Variants in USP6 observed in about 807,000 individuals in gnomAD.
USP6 encodes ubiquitin specific peptidase 6, also known as ubiquitin carboxyl-terminal hydrolase 6.
USP6 carries 128 observed loss-of-function variants against 175.7 expected under a neutral mutation model. The observed-to-expected ratio is 0.73, with a 90% CI of 0.63 to 0.84. The LOEUF is 0.84. USP6 is among the 40% of genes least tolerant of loss of function. The pLI is 0.00. For missense variants in USP6, 1,498 were observed against 1,760.3 expected (o/e 0.85, Z 2.67); for synonymous variants, 562 against 630.6 (o/e 0.89, Z 1.63).
At position 5,153,719 on chromosome 17, in the gene USP6, G is replaced by C. The variant is rs79843895; in HGVS notation, c.2644-1703G>C. Among the ~76,000 whole-genome samples, 516 of 151,548 alleles carry C rather than the reference G, an allele frequency of 3.4e-3. 10 individuals carry two copies. In the East Asian group the frequency reaches 0.042, roughly 12 times the overall value. On this transcript the variant is annotated intron_variant, in intron 30 of 37. Transcript: ENST00000574788. ...TGCCCAGGCTGGAGTGCAATGGCAC[G>C]ATCTCGGCTCACTGTACTCTCTGCC...
In USP6 at chr17:5,170,537, C is replaced by T. The variant is rs748545602; in HGVS notation, c.3576C>T (p.Ser1192=). The change falls in exon 36 of 38, where the codon AGC becomes AGT. Residue 1192 remains serine, a synonymous_variant. Coordinates refer to ENST00000574788, the MANE Select transcript of USP6 (RefSeq NM_001304284.2). Reference sequence around the variant, plus strand: ...GCTGTCCCTCCAGCAAAAACAGCAGCCCTAATAGCAGCCCACGGACTTTGG... The same window carrying T: ...GCTGTCCCTCCAGCAAAAACAGCAGTCCTAATAGCAGCCCACGGACTTTGG... ...GTSCPSSKNS[S]PNSSPRTLGR... 12 of 1,611,862 alleles carry T rather than the reference C, an allele frequency of 7.4e-6. No homozygotes were observed. Among genetic ancestry groups the T allele is most frequent in the Non-Finnish European group, 4.2e-6 (5 of 1,179,772 alleles).
rs2073166493 is a variant in USP6, at chr17:5,133,942, A to T, written c.440A>T (p.Asp147Val). The change falls in exon 15 of 38, where the codon GAC becomes GTC. Residue 147 changes from aspartate to valine, a missense_variant. Transcript: ENST00000574788. ...GAACACATCCACCACATCGACCTGGACGTGAGGACGACTCTCCGGAACCAT... is the reference window on the plus strand; with the variant it reads ...GAACACATCCACCACATCGACCTGGTCGTGAGGACGACTCTCCGGAACCAT... Reference protein sequence around the residue: ...SSEHIHHIDLDVRTTLRNHVF... With the variant: ...SSEHIHHIDLVVRTTLRNHVF... 3 of 1,614,026 alleles carry T rather than the reference A, an allele frequency of 1.9e-6. No individual in the cohort carries two copies. In the African/African-American group the frequency reaches 4.0e-5, roughly 22 times the overall value.
rs1348097113 is a variant in USP6 at position 5,170,520 on chromosome 17, T to C, written c.3559T>C (p.Ser1187Pro). The change falls in exon 36 of 38, where the codon TCC becomes CCC. Residue 1187 changes from serine to proline, a missense_variant. Physicochemically the swap from Ser to Pro is moderately conservative, Grantham distance 74. Coordinates refer to ENST00000574788, the MANE Select transcript of USP6 (RefSeq NM_001304284.2). ...SSRKSGTSCPSSKNSSPNSSP... is the reference protein window; with the variant it reads ...SSRKSGTSCPPSKNSSPNSSP... ...AAGAAAAAGTGGAACCAGCTGTCCC[T>C]CCAGCAAAAACAGCAGCCCTAATAG... The C allele has an allele frequency of 9.9e-6, 16 of 1,611,312 alleles. No individual in the cohort carries two copies. Among genetic ancestry groups the C allele is most frequent in the Non-Finnish European group, 1.4e-5 (16 of 1,179,508 alleles).
At chr17:5,131,997 C>G (rs938545413) in intron 11 of USP6, among the ~76,000 whole-genome samples, 1 of 152,080 alleles carries the variant, frequency 6.6e-6, no homozygotes, top group Admixed American at 6.5e-5. Context: ...TTGACCCTGG[C>G]GGGGTGATGT....
chr17:5,161,369 T>A (rs1224523695), intron 31 of USP6, among the ~76,000 whole-genome samples, 159 bp from the exon 32 acceptor site: 1 of 152,234 alleles, frequency 6.6e-6, no homozygotes, highest in Non-Finnish European at 1.5e-5. Flanking sequence ...GGTACTGGGC[T>A]GCAGCTAATG....
At chr17:5,169,099 G>A (rs1357018770) in intron 35 of USP6, 44 bp downstream of exon 35, 7 of 1,524,510 alleles carry the variant, frequency 4.6e-6, no homozygotes, top group South Asian at 2.7e-5. Context: ...TGGGACTCCT[G>A]TAGGCTACAT....
intron 7 of USP6, among the ~76,000 whole-genome samples, chr17:5,128,231 A>C (rs992231003): frequency 1.3e-5 from 2 of 152,164 alleles, no homozygotes; most frequent in Non-Finnish European, 2.9e-5. Context: ...CAGGTTTTAG[A>C]TAACATGTCT....
chr17:5,143,354 C>T (rs2073509698), intron 25 of USP6, among the ~76,000 whole-genome samples: 1 of 152,238 alleles, frequency 6.6e-6, no homozygotes, highest in Non-Finnish European at 1.5e-5. Context: ...CGGATGGTTG[C>T]TGTGTCTGCG....
intron 31 of USP6, among the ~76,000 whole-genome samples, chr17:5,158,602 A>G (rs1389342979): frequency 7.7e-6 from 1 of 129,746 alleles, no homozygotes; most frequent in Non-Finnish European, 1.6e-5. Flanking sequence ...AGAGAGAGAG[A>G]GAGGGAGAGG....
Position 5,167,973 on chromosome 17 carries a change from G to A in USP6, c.3078G>A (p.Ala1026=), listed in dbSNP as rs778943960. 11 of 1,611,798 alleles carry A rather than the reference G, an allele frequency of 6.8e-6. No homozygotes were observed. The highest frequency in any genetic ancestry group is 4.5e-5 in the East Asian group (2 of 44,896). Residue 1026 remains alanine (A), a synonymous_variant, in exon 34 of 38, where the codon GCG becomes GCA. Coordinates refer to ENST00000574788, the MANE Select transcript of USP6 (RefSeq NM_001304284.2). ...AGAGTGTGGAGCAGAGTCGGCGAGC[G>A]CAAGCCGAGCCCATCAACCTGGACA... ...KHESVEQSRR[A]QAEPINLDSC...
intron 13 of USP6, 130 bp downstream of exon 13, chr17:5,133,120 C>A (rs1163802625): frequency 3.7e-6 from 4 of 1,088,684 alleles, no homozygotes; most frequent in Non-Finnish European, 5.4e-6. Context: ...CAGAGGACTG[C>A]AGGCCTGGTC....
intron 9 of USP6, 115 bp from the exon 10 acceptor site, chr17:5,130,252 G>C: frequency 1.0e-6 from 1 of 972,186 alleles, no homozygotes; most frequent in Non-Finnish European, 1.6e-6. Context: ...CCGGAGTGCA[G>C]TGGTGGAATG....
In USP6 at chr17:5,174,078, T is replaced by A. The variant is rs1208694145; in HGVS notation, c.*1100T>A. The A allele has an allele frequency of 4.8e-6, 1 of 207,012 alleles. No individual in the cohort carries two copies. Among genetic ancestry groups the A allele is most frequent in the African/African-American group, 2.3e-5 (1 of 43,964 alleles). 12.8% of individuals were successfully genotyped at this position (207,012 alleles called of 1,614,324 possible). ...GTGGTTTTAGGAAGTCAACTTTAGT[T>A]TTGCTTTGTTTGCATGTCCACTGGT... On this transcript the variant is annotated 3_prime_UTR_variant, in exon 38 of 38. Coordinates refer to ENST00000574788, the MANE Select transcript of USP6 (RefSeq NM_001304284.2).
intron 3 of USP6, among the ~76,000 whole-genome samples, chr17:5,121,144 C>A (rs954424939): frequency 6.6e-6 from 1 of 152,150 alleles, no homozygotes; most frequent in African/African-American, 2.4e-5. Flanking sequence ...AGAATAACAC[C>A]CAGTGCCTGT....
At chr17:5,125,534 T>A (rs948731966) in intron 5 of USP6, among the ~76,000 whole-genome samples, 2 of 152,090 alleles carry the variant, frequency 1.3e-5, no homozygotes, top group African/African-American at 4.8e-5. Flanking sequence ...TAAAAATGGG[T>A]GCAAATGAAA....
At chr17:5,131,525 CT>C (rs1459084536) in intron 11 of USP6, among the ~76,000 whole-genome samples, 1 of 150,410 alleles carries the variant, frequency 6.6e-6, no homozygotes, top group African/African-American at 2.5e-5. Context: ...CCACCTACCC[CT>C]GTTCTCCCCC....
chr17:5,122,822 G>A (rs1196265623), intron 4 of USP6, among the ~76,000 whole-genome samples: 1 of 152,238 alleles, frequency 6.6e-6, no homozygotes, highest in Non-Finnish European at 1.5e-5. Context: ...CGCGGAGAGC[G>A]CACTGAGCTC....
At chr17:5,147,886 A>G (rs976160459) in intron 29 of USP6, among the ~76,000 whole-genome samples, 1 of 151,740 alleles carries the variant, frequency 6.6e-6, no homozygotes, top group Non-Finnish European at 1.5e-5. Context: ...ATTTTATTTT[A>G]TTTATTTATT....
chr17:5,137,565 G>A lies in USP6; in HGVS notation c.826-86G>A, dbSNP rs56683645. ...CCTCATGGGGAAGGTCACTGACTCT[G>A]GAGACTGAAGCCCCAGTGTGCGCAG... is the stretch of plus-strand genomic sequence containing the variant. On this transcript the variant is annotated intron_variant, in intron 19 of 37. Coordinates refer to ENST00000574788, the MANE Select transcript of USP6 (RefSeq NM_001304284.2). The A allele has an allele frequency of 2.4e-3, 3,234 of 1,363,678 alleles. 64 individuals carry two copies. In the African/African-American group the frequency reaches 0.04, roughly 17 times the overall value. 84.5% of individuals were successfully genotyped at this position (1,363,678 alleles called of 1,614,324 possible). A position where few individuals can be genotyped will look rare whatever the true frequency, so the allele number is the denominator to read the frequency against.
Sources: gnomAD v4.1 joint callset for allele counts (sites outside exome capture counted in the v4.1 genomes callset) on GRCh38, gnomAD v4.1.1 for gene constraint, MANE v1.5 for transcripts, NCBI Gene and HGNC (gene_info 2026-07-23, HGNC 2026-07-21) for gene names.